The following SMIM14 variants were observed in gnomAD, a reference collection of about 807,000 sequenced individuals.
SMIM14 encodes chromosome 4 open reading frame 34.
Under a neutral mutation model 12.6 loss-of-function variants are expected in SMIM14, and 5 were observed. The ratio of observed to expected loss-of-function variants is 0.40; its 90% confidence interval spans 0.21 to 0.83. The LOEUF is 0.83. Among genes scored for constraint, SMIM14 ranks in the 40% least tolerant of loss-of-function variants. SMIM14 has a pLI of 0.37. For synonymous variants in SMIM14, 30 were observed against 40.1 expected (o/e 0.75, Z 0.95); for missense variants, 86 against 119.1 (o/e 0.72, Z 1.29).
intron 2 of SMIM14, among the ~76,000 whole-genome samples, chr4:39,595,217 T>C (rs1158457113): frequency 6.6e-6 from 1 of 150,742 alleles, no homozygotes; most frequent in Non-Finnish European, 1.5e-5. Flanking sequence ...TGGAATACTA[T>C]GCAGCCATCA....
At chr4:39,562,244 G>A (rs896532617) in intron 3 of SMIM14, among the ~76,000 whole-genome samples, 2 of 152,032 alleles carry the variant, frequency 1.3e-5, no homozygotes, top group Non-Finnish European at 2.9e-5. Context: ...GAGTGTGGTG[G>A]TGCAGGCCTG....
chr4:39,584,585 CAGG>C (rs1713689988), intron 2 of SMIM14, among the ~76,000 whole-genome samples: 1 of 148,906 alleles, frequency 6.7e-6, no homozygotes, highest in Non-Finnish European at 1.5e-5. Flanking sequence ...TGCTTGAGCC[CAGG>C]AGTTCAAGAC....
In SMIM14 at chr4:39,581,518, C is replaced by CTTTTTT. The variant is rs1432369898; in HGVS notation, c.76-9061_76-9056dup. ...TTTTCGTTTTTTTCCTTTTCTTTTT[C>CTTTTTT]TTTTTTTTTTTTTTTGAGACAGGGT... On this transcript the variant is annotated intron_variant, in intron 2 of 4. Coordinates refer to ENST00000295958, the MANE Select transcript of SMIM14 (RefSeq NM_174921.3). 7.9e-4 allele frequency among the ~76,000 whole-genome samples: 104 copies of CTTTTTT among 132,064 alleles called. 1 individual carries two copies. The highest frequency in any genetic ancestry group is 2.7e-3 in the African/African-American group (99 of 36,776). 86.6% of individuals were successfully genotyped at this position (132,064 alleles called of 152,430 possible).
rs1475694346 is a variant in SMIM14, at chr4:39,548,437, T to C, written c.*3689A>G. 6.8e-6 allele frequency: 1 copy of C among 147,502 alleles called. No individual in the cohort carries two copies. Among genetic ancestry groups the C allele is most frequent in the Non-Finnish European group, 1.5e-5 (1 of 66,572 alleles). 9.1% of individuals were successfully genotyped at this position (147,502 alleles called of 1,614,324 possible). ...TCAAACTCCTGGGCTCAAGCAGTTC[T>C]TGCCTCAGCCTCCCAAATTGCTGGG... On this transcript the variant is annotated 3_prime_UTR_variant, in exon 5 of 5. Transcript: ENST00000295958.
intron 2 of SMIM14, among the ~76,000 whole-genome samples, chr4:39,599,706 G>A (rs1456789153): frequency 6.6e-6 from 1 of 151,946 alleles, no homozygotes; most frequent in East Asian, 1.9e-4. Context: ...GGTGGATCAC[G>A]AGGACAAGAG....
chr4:39,622,517 C>T (rs1212389720), intron 1 of SMIM14, among the ~76,000 whole-genome samples: 1 of 152,232 alleles, frequency 6.6e-6, no homozygotes, highest in Non-Finnish European at 1.5e-5. Flanking sequence ...TCTCCTGCCC[C>T]AGCCTCCCAA....
intron 2 of SMIM14, 125 bp from the exon 3 acceptor site, chr4:39,572,588 G>C: frequency 1.4e-6 from 1 of 710,302 alleles, no homozygotes; most frequent in South Asian, 1.5e-5. Flanking sequence ...TTTGGAGGCT[G>C]AGGTGGGTGG....
At chr4:39,619,480 C>CTA (rs1198400810) in intron 1 of SMIM14, among the ~76,000 whole-genome samples, 950 of 58,408 alleles carry the variant, frequency 0.016, 7 homozygotes, top group East Asian at 0.053. Flanking sequence ...ATAATTTATT[C>CTA]TATATCAATA....
chr4:39,605,181 C>T lies in SMIM14; in HGVS notation c.-35-1G>A. 6.4e-7 allele frequency: 1 copy of T among 1,561,850 alleles called. No individual in the cohort carries two copies. The highest frequency in any genetic ancestry group is 8.6e-7 in the Non-Finnish European group (1 of 1,158,912). ...CTTGATTTTACTTGACTGTTTAAAT[C>T]TAGGAGGAAGGAAAAAATACTGTTA... is the stretch of plus-strand genomic sequence containing the variant. On this transcript the variant is annotated splice_acceptor_variant, in intron 1 of 4. Transcript: ENST00000295958. LOFTEE classifies it low-confidence loss of function (5UTR_SPLICE).
In SMIM14 at chr4:39,551,520, C is replaced by T. The variant is rs747446118; in HGVS notation, c.*606G>A. 6.6e-6 allele frequency: 1 copy of T among 152,430 alleles called. No homozygotes were observed. The highest frequency in any genetic ancestry group is 2.4e-5 in the African/African-American group (1 of 41,368). 9.4% of individuals were successfully genotyped at this position (152,430 alleles called of 1,614,324 possible). On this transcript the variant is annotated 3_prime_UTR_variant, in exon 5 of 5. Coordinates refer to ENST00000295958, the MANE Select transcript of SMIM14 (RefSeq NM_174921.3). The stretch of plus-strand genomic sequence containing the variant: ...CAACCATTTCATTTTTTCTCTCTTC[C>T]TATTCTAGCCACATAAGCCAGTTTA...
At chr4:39,635,441 T>G (rs1226860299) in intron 1 of SMIM14, among the ~76,000 whole-genome samples, 1 of 152,042 alleles carries the variant, frequency 6.6e-6, no homozygotes, top group Non-Finnish European at 1.5e-5. Context: ...TCTCTTAGGC[T>G]GGTAAGGGAA....
chr4:39,629,117 T>G (rs2109255471), intron 1 of SMIM14, among the ~76,000 whole-genome samples: 1 of 151,824 alleles, frequency 6.6e-6, no homozygotes, highest in South Asian at 2.1e-4. Context: ...TCCCAGCACT[T>G]TGGGAGGCCA....
Position 39,638,774 on chromosome 4 carries a change from G to A in SMIM14, c.-71C>T. On this transcript the variant is annotated 5_prime_UTR_variant, in exon 1 of 5. Transcript: ENST00000295958. Reference sequence around the variant, plus strand: ...AACAACCGATGGGGCGGGGAGGATGGGGGCCGGGACCGAGGCTCGGCAGAA... The same window carrying A: ...AACAACCGATGGGGCGGGGAGGATGAGGGCCGGGACCGAGGCTCGGCAGAA... 1 of 985,512 alleles carries A rather than the reference G, an allele frequency of 1.0e-6. No homozygotes were observed. Among genetic ancestry groups the A allele is most frequent in the Non-Finnish European group, 1.2e-6 (1 of 830,002 alleles). 61.0% of individuals were successfully genotyped at this position (985,512 alleles called of 1,614,324 possible). A position where few individuals can be genotyped will look rare whatever the true frequency, so the allele number is the denominator to read the frequency against.
chr4:39,580,529 CTT>C (rs113793341), intron 2 of SMIM14, among the ~76,000 whole-genome samples: 1 of 144,384 alleles, frequency 6.9e-6, no homozygotes, highest in African/African-American at 2.5e-5. Context: ...TTCTTTCTTT[CTT>C]TTTTTTTTTA....
At chr4:39,612,315 T>C (rs1347085294) in intron 1 of SMIM14, among the ~76,000 whole-genome samples, 3 of 152,144 alleles carry the variant, frequency 2.0e-5, no homozygotes, top group Non-Finnish European at 4.4e-5. Flanking sequence ...AGTGCAATGG[T>C]GTGATCTCGG....
At chr4:39,584,174 C>T (rs1490425011) in intron 2 of SMIM14, among the ~76,000 whole-genome samples, 2 of 151,930 alleles carry the variant, frequency 1.3e-5, no homozygotes, top group East Asian at 1.9e-4. Flanking sequence ...CATCTCTATG[C>T]AGTACTCCAT....
intron 2 of SMIM14, among the ~76,000 whole-genome samples, chr4:39,604,054 G>A (rs557162552): frequency 6.6e-5 from 10 of 151,428 alleles, no homozygotes; most frequent in Non-Finnish European, 1.3e-4. Context: ...GATTCGTATT[G>A]TCATGCCATA....
At chr4:39,582,393 G>A (rs1560292094) in intron 2 of SMIM14, among the ~76,000 whole-genome samples, 1 of 152,038 alleles carries the variant, frequency 6.6e-6, no homozygotes, top group African/African-American at 2.4e-5. Flanking sequence ...GGCCGGGCAC[G>A]GTGGCTTATG....
chr4:39,626,267 C>T (rs1304679583), intron 1 of SMIM14, among the ~76,000 whole-genome samples: 2 of 151,980 alleles, frequency 1.3e-5, no homozygotes, highest in Admixed American at 6.6e-5. Context: ...GTCCCTGGTG[C>T]AAAAAAGGTT....
Sources: allele counts gnomAD v4.1 joint callset (sites outside exome capture counted in the v4.1 genomes callset), GRCh38; gene constraint gnomAD v4.1.1; transcripts MANE v1.5; gene names NCBI Gene and HGNC (gene_info 2026-07-23, HGNC 2026-07-21).